The following SCML1 variants were observed in gnomAD, a reference collection of about 807,000 sequenced individuals.
The protein encoded by SCML1 is Scm polycomb group protein like 1.
For missense variants in SCML1, 137 were observed against 258.1 expected, an observed-to-expected ratio of 0.53 and a Z score of 3.22; for synonymous variants, 104 against 103.6, an observed-to-expected ratio of 1.00 and a Z score of -0.02.
At chrX:17,753,236 G>A (rs370909167) in intron 7 of SCML1, 22 bp from the exon 8 acceptor site, 4 of 1,101,399 alleles carry the variant, frequency 3.6e-6, no homozygotes, top group Non-Finnish European at 4.8e-6. Flanking sequence ...ATTAATTATC[G>A]TTAAGTTTCT....
At chrX:17,746,941 G>A (rs1441703469) in intron 4 of SCML1, among the ~76,000 whole-genome samples, 1 of 112,303 alleles carries the variant, frequency 8.9e-6, no homozygotes, top group Non-Finnish European at 1.9e-5. Context: ...GCTGCCAAGG[G>A]GCTGGCTCTT....
chrX:17,746,182 A>G, intron 4 of SCML1, 84 bp downstream of exon 4: 1 of 472,190 alleles, frequency 2.1e-6, no homozygotes, highest in Non-Finnish European at 3.5e-6. Flanking sequence ...GAAAGTGTAC[A>G]ATTAATTGAA....
intron 1 of SCML1, among the ~76,000 whole-genome samples, chrX:17,742,200 A>G (rs1389818002): frequency 8.9e-6 from 1 of 111,792 alleles, no homozygotes; most frequent in Admixed American, 9.5e-5. Flanking sequence ...TAGAGTATAG[A>G]AAGAGATGAA....
At chrX:17,752,016 C>T (rs1233724171) in intron 7 of SCML1, 50 bp downstream of exon 7, 2 of 1,137,690 alleles carry the variant, frequency 1.8e-6, no homozygotes, top group South Asian at 3.9e-5. Flanking sequence ...TTTGAATGAC[C>T]TCTGTGCAGG....
intron 1 of SCML1, among the ~76,000 whole-genome samples, chrX:17,739,840 C>T (rs1322761814): frequency 2.7e-5 from 2 of 75,301 alleles, no homozygotes; most frequent in Non-Finnish European, 4.5e-5. Flanking sequence ...CAGAGTAAGA[C>T]TCTGTCTCAA....
chrX:17,743,104 G>A (rs947159461), intron 1 of SCML1, among the ~76,000 whole-genome samples: 1 of 112,086 alleles, frequency 8.9e-6, no homozygotes, highest in African/African-American at 3.2e-5. Flanking sequence ...TTTAAAAAGT[G>A]AAATTTGATT....
Position 17,751,949 on chromosome X carries a change from G to A in SCML1, c.838G>A (p.Asp280Asn), listed in dbSNP as rs773465428. Residue 280 changes from aspartate (D) to asparagine (N), a missense_variant, in exon 7 of 8, where the codon GAC becomes AAC. By Grantham distance (23) the Asp-to-Asn change is conservative (BLOSUM62 1). Transcript: ENST00000380041. ...TDPLALCPLV[D>N]LFRSHEIDGK... ...TCCTCTTGCATTATGCCCTCTTGTCGACCTCTTCAGAAGCCATGTAATGTA... is the reference window on the plus strand; with the variant it reads ...TCCTCTTGCATTATGCCCTCTTGTCAACCTCTTCAGAAGCCATGTAATGTA... 8 of 1,208,496 alleles carry A rather than the reference G, an allele frequency of 6.6e-6. No homozygotes were observed. The highest frequency in any genetic ancestry group is 5.6e-6 in the Non-Finnish European group (5 of 894,467).
intron 4 of SCML1, among the ~76,000 whole-genome samples, chrX:17,747,914 G>C (rs750179075): frequency 5.5e-4 from 61 of 111,589 alleles, no homozygotes; most frequent in Non-Finnish European, 1.0e-3. Context: ...ATAAGTGGCT[G>C]GACTGTAGTA....
intron 1 of SCML1, among the ~76,000 whole-genome samples, chrX:17,742,637 C>G (rs1265380668): frequency 1.8e-5 from 2 of 112,163 alleles, no homozygotes; most frequent in Non-Finnish European, 3.8e-5. Flanking sequence ...ACGTGGAGAC[C>G]TATCCATTGT....
At chrX:17,742,572 T>A (rs746710397) in intron 1 of SCML1, among the ~76,000 whole-genome samples, 166 of 112,218 alleles carry the variant, frequency 1.5e-3, no homozygotes, top group Non-Finnish European at 2.5e-3. Context: ...TTTTGGAACA[T>A]CTGGCTGACC....
At chrX:17,744,477 G>T in intron 2 of SCML1, 2 of 255,564 alleles carry the variant, frequency 7.8e-6, no homozygotes, top group East Asian at 6.7e-5. Context: ...AACTCTGTGA[G>T]AATCTGCCAT....
intron 4 of SCML1, 38 bp downstream of exon 4, chrX:17,746,136 A>C: frequency 1.2e-6 from 1 of 859,960 alleles, no homozygotes; most frequent in East Asian, 3.3e-5. Flanking sequence ...GTTTTCTAAA[A>C]TGTTAAGCAA....
At chrX:17,740,064 C>G (rs1436207453) in intron 1 of SCML1, among the ~76,000 whole-genome samples, 1 of 111,214 alleles carries the variant, frequency 9.0e-6, no homozygotes, top group Admixed American at 9.6e-5. Flanking sequence ...GGTGTGTCTA[C>G]TATGAACCAG....
At position 17,739,848 on chromosome X, in the gene SCML1, CAAAAAAAAAAA is replaced by C. The variant is rs747850155; in HGVS notation, c.-117+2180_-117+2190del. On this transcript the variant is annotated intron_variant, in intron 1 of 7. Transcript: ENST00000380041. ...TGGGTGACAGAGTAAGACTCTGTCT[CAAAAAAAAAAA>C]AAAAAAAAAAAGAAATTTAGATTTC... is the stretch of plus-strand genomic sequence containing the variant. Among the ~76,000 whole-genome samples the C allele has an allele frequency of 7.3e-4, 24 of 32,852 alleles. No homozygotes were observed. The East Asian group carries it at 0.029, about 40-fold the overall frequency. 28.5% of individuals were successfully genotyped at this position (32,852 alleles called of 115,157 possible). A position where few individuals can be genotyped will look rare whatever the true frequency, so the allele number is the denominator to read the frequency against.
At chrX:17,742,680 CT>C (rs1314686797) in intron 1 of SCML1, among the ~76,000 whole-genome samples, 1 of 112,474 alleles carries the variant, frequency 8.9e-6, no homozygotes, top group African/African-American at 3.2e-5. Flanking sequence ...CATAGAACTA[CT>C]TGCACAGGTG....
chrX:17,743,673 G>C (rs937143049), intron 1 of SCML1, among the ~76,000 whole-genome samples: 3 of 111,343 alleles, frequency 2.7e-5, no homozygotes, highest in African/African-American at 9.8e-5. Flanking sequence ...CCACATAGTC[G>C]GGGGGGACCC....
At chrX:17,745,292 A>G in intron 2 of SCML1, 164 bp from the exon 3 acceptor site, 1 of 416,500 alleles carries the variant, frequency 2.4e-6, no homozygotes, top group South Asian at 4.2e-5. Flanking sequence ...CAGTTCTGCA[A>G]ATACATCTTT....
chrX:17,747,974 C>T (rs903625686), intron 4 of SCML1, among the ~76,000 whole-genome samples: 2 of 110,910 alleles, frequency 1.8e-5, no homozygotes, highest in Admixed American at 9.6e-5. Flanking sequence ...ATCTCAGTGC[C>T]GCAGCCCTGT....
intron 4 of SCML1, among the ~76,000 whole-genome samples, chrX:17,747,401 C>T (rs749484318): frequency 2.7e-5 from 3 of 111,447 alleles, no homozygotes; most frequent in Non-Finnish European, 3.8e-5. Flanking sequence ...TGCTTCCCAT[C>T]CCTCCTTTCC....
Sources: allele counts gnomAD v4.1 joint callset (sites outside exome capture counted in the v4.1 genomes callset), GRCh38; gene constraint gnomAD v4.1.1; transcripts MANE v1.5; gene names NCBI Gene and HGNC (gene_info 2026-07-23, HGNC 2026-07-21).